The following GNAT1 variants were observed in gnomAD, a reference collection of about 807,000 sequenced individuals.
GNAT1 encodes the protein guanine nucleotide-binding protein G(t) subunit alpha-1.
GNAT1 carries 36 observed loss-of-function variants against 40.0 expected under a neutral mutation model. The ratio of observed to expected loss-of-function variants is 0.90; its 90% confidence interval spans 0.69 to 1.19. The LOEUF is 1.19. GNAT1 is among the 50% of genes most tolerant of loss of function. The pLI, the probability that GNAT1 is intolerant of heterozygous loss-of-function variation, is 0.00. For missense variants in GNAT1, 413 were observed against 480.6 expected (o/e 0.86, Z 1.32); for synonymous variants, 195 against 192.9 (o/e 1.01, Z -0.09).
chr3:50,193,255 T>G lies in GNAT1; in HGVS notation c.150-10T>G. 1 of 1,614,128 alleles carries G rather than the reference T, an allele frequency of 6.2e-7. No individual in the cohort carries two copies. Among genetic ancestry groups the G allele is most frequent in the Non-Finnish European group, 8.5e-7 (1 of 1,180,016 alleles). On this transcript the variant is annotated splice_polypyrimidine_tract_variant and intron_variant, in intron 2 of 8. Transcript: ENST00000232461. This position sits in a 1 kb window ranked among gnomAD's most constrained non-coding sequence, Gnocchi z 8.1. ...CCACGAGGCGCTGATTCTGCTCTCC[T>G]CGGCCTCAGGATTATCCACCAGGAC...
At position 50,193,359 on chromosome 3, in the gene GNAT1, CG is replaced by C; in HGVS notation, c.245del (p.Arg82ProfsTer3). 1 of 1,614,120 alleles carries C rather than the reference CG, an allele frequency of 6.2e-7. No homozygotes were observed. Among genetic ancestry groups the C allele is most frequent in the Non-Finnish European group, 8.5e-7 (1 of 1,179,996 alleles). On this transcript the variant is annotated frameshift_variant, in exon 3 of 9. Coordinates refer to ENST00000232461, the MANE Select transcript of GNAT1 (RefSeq NM_144499.3). LOFTEE classifies it high-confidence loss of function. This position sits in a 1 kb window ranked among gnomAD's most constrained non-coding sequence, Gnocchi z 8.1. ...GTTGCAGTCCATCCTGGCCATCGTA[CG>C]CGCCATGACCACACTCAACATCCAG... The part of the protein sequence containing the change: ...NTLQSILAIV[R>X]AMTTLNIQYG...
chr3:50,191,863 C>A, intron 1 of GNAT1, 32 bp downstream of exon 1: 1 of 1,398,798 alleles, frequency 7.1e-7, no homozygotes, highest in East Asian at 2.3e-5. Flanking sequence ...GGGCCACTGC[C>A]ACCAGGTCAT....
Position 50,194,401 on chromosome 3 carries a change from A to G in GNAT1, c.709-100A>G, listed in dbSNP as rs1575417426. On this transcript the variant is annotated intron_variant, in intron 6 of 8. Coordinates refer to ENST00000232461, the MANE Select transcript of GNAT1 (RefSeq NM_144499.3). This position sits in a 1 kb window ranked among gnomAD's most constrained non-coding sequence, Gnocchi z 6.1. ...GGGGCAGTGCGGGGAGCCCTCTGAGAGCCAGCTGAGCGGGAAGCCCCGCGT... is the reference window on the plus strand; with the variant it reads ...GGGGCAGTGCGGGGAGCCCTCTGAGGGCCAGCTGAGCGGGAAGCCCCGCGT... 1.6e-5 allele frequency: 23 copies of G among 1,457,116 alleles called. No homozygotes were observed. The East Asian group carries it at 5.5e-4, about 35-fold the overall frequency. 90.3% of individuals were successfully genotyped at this position (1,457,116 alleles called of 1,614,324 possible).
Position 50,193,793 on chromosome 3 carries a change from G to A in GNAT1, c.490G>A (p.Val164Met), listed in dbSNP as rs1405575787. 4 of 1,612,770 alleles carry A rather than the reference G, an allele frequency of 2.5e-6. No individual in the cohort carries two copies. Among genetic ancestry groups the A allele is most frequent in the Non-Finnish European group, 3.4e-6 (4 of 1,179,898 alleles). The change falls in exon 5 of 9, where the codon GTG becomes ATG. Residue 164 changes from valine to methionine, a missense_variant. Transcript: ENST00000232461. The surrounding 1 kb of genome is among the most constrained non-coding windows in gnomAD (Gnocchi z 8.1). ...GGAGCGCCTGGTAACCCCGGGCTAC[G>A]TGCCCACCGAGCAGGACGTGCTGCG... Reference protein sequence around the residue: ...DLERLVTPGYVPTEQDVLRSR... With the variant: ...DLERLVTPGYMPTEQDVLRSR...
Position 50,193,675 on chromosome 3 carries a change from G to A in GNAT1, c.449+12G>A, listed in dbSNP as rs1699454018. ...GACTCGGCGGGCTAGTGAGCGCGCGGGCAGCGCGGGGCGCGGGGCGCGGGG... is the reference window on the plus strand; with the variant it reads ...GACTCGGCGGGCTAGTGAGCGCGCGAGCAGCGCGGGGCGCGGGGCGCGGGG... On this transcript the variant is annotated intron_variant, in intron 4 of 8. Transcript: ENST00000232461. The surrounding 1 kb of genome is among the most constrained non-coding windows in gnomAD (Gnocchi z 8.1). The A allele has an allele frequency of 3.1e-6, 5 of 1,609,164 alleles. No homozygotes were observed. Among genetic ancestry groups the A allele is most frequent in the Non-Finnish European group, 4.2e-6 (5 of 1,178,444 alleles).
At chr3:50,195,111 G>GGCCCC (rs1030246660) in intron 8 of GNAT1, among the ~76,000 whole-genome samples, 155 bp downstream of exon 8, 1 of 140,552 alleles carries the variant, frequency 7.1e-6, no homozygotes, top group African/African-American at 2.7e-5. Flanking sequence ...CACCGACAGA[G>GGCCCC]GCCCCGCCCC....
rs1159139687 is a variant in GNAT1, at chr3:50,197,590, T to C, written c.*2324T>C. On this transcript the variant is annotated 3_prime_UTR_variant, in exon 9 of 9. Coordinates refer to ENST00000232461, the MANE Select transcript of GNAT1 (RefSeq NM_144499.3). The stretch of plus-strand genomic sequence containing the variant: ...TTTAAGGTTGAATAATATTCCATTG[T>C]ATATATTCCACACTTTGTTTATTTA... Among the ~76,000 whole-genome samples, 1 of 152,200 alleles carries C rather than the reference T, an allele frequency of 6.6e-6. No individual in the cohort carries two copies. The highest frequency in any genetic ancestry group is 2.4e-5 in the African/African-American group (1 of 41,442).
At position 50,193,901 on chromosome 3, in the gene GNAT1, C is replaced by A. The variant is rs748245916; in HGVS notation, c.578+20C>A. The A allele has an allele frequency of 4.3e-6, 7 of 1,613,108 alleles. No individual in the cohort carries two copies. The highest frequency in any genetic ancestry group is 5.1e-6 in the Non-Finnish European group (6 of 1,179,882). ...CTTCCGGTACGACCCATACGCTAGCCCAGGAGGTCACTGCCCCAGGCCCCG... is the reference window on the plus strand; with the variant it reads ...CTTCCGGTACGACCCATACGCTAGCACAGGAGGTCACTGCCCCAGGCCCCG... On this transcript the variant is annotated intron_variant, in intron 5 of 8. Transcript: ENST00000232461. The surrounding 1 kb of genome is among the most constrained non-coding windows in gnomAD (Gnocchi z 8.1).
intron 8 of GNAT1, 62 bp downstream of exon 8, chr3:50,195,018 C>A: frequency 1.6e-6 from 2 of 1,217,704 alleles, no homozygotes; most frequent in Non-Finnish European, 1.2e-6. Flanking sequence ...GCTCCCCACC[C>A]CACACCACGG....
At chr3:50,192,824 C>G in intron 1 of GNAT1, 1 of 544,460 alleles carries the variant, frequency 1.8e-6, no homozygotes, top group Non-Finnish European at 3.3e-6. Flanking sequence ...TCATTGCAGT[C>G]TCACAGCATA....
chr3:50,195,602 C>A lies in GNAT1; in HGVS notation c.*336C>A, dbSNP rs1233768367. ...TCAGCAGTGCCCAACTGACCAATCT[C>A]CCGCAGCTCTCCTGCCCCTGGGGGC... On this transcript the variant is annotated 3_prime_UTR_variant, in exon 9 of 9. Coordinates refer to ENST00000232461, the MANE Select transcript of GNAT1 (RefSeq NM_144499.3). 6.4e-6 allele frequency: 1 copy of A among 156,628 alleles called. No individual in the cohort carries two copies. Among genetic ancestry groups the A allele is most frequent in the Non-Finnish European group, 1.4e-5 (1 of 70,408 alleles). 9.7% of individuals were successfully genotyped at this position (156,628 alleles called of 1,614,324 possible).
chr3:50,194,124 G>C lies in GNAT1; in HGVS notation c.611G>C (p.Arg204Pro), dbSNP rs749325459. Residue 204 changes from arginine (R) to proline (P), a missense_variant, in exon 6 of 9, where the codon CGC (arginine) becomes CCC (proline). Physicochemically the swap from Arg to Pro is moderately radical, Grantham distance 103. Transcript: ENST00000232461. This position sits in a 1 kb window ranked among gnomAD's most constrained non-coding sequence, Gnocchi z 6.1. Reference sequence around the variant, plus strand: ...GATGTGGGCGGGCAGCGCTCGGAGCGCAAGAAGTGGATCCACTGCTTCGAG... The same window carrying C: ...GATGTGGGCGGGCAGCGCTCGGAGCCCAAGAAGTGGATCCACTGCTTCGAG... Reference protein sequence around the residue: ...MFDVGGQRSERKKWIHCFEGV... With the variant: ...MFDVGGQRSEPKKWIHCFEGV... The C allele has an allele frequency of 6.2e-7, 1 of 1,613,782 alleles. No homozygotes were observed. The highest frequency in any genetic ancestry group is 1.3e-5 in the African/African-American group (1 of 74,950).
At position 50,195,017 on chromosome 3, in the gene GNAT1, C is replaced by T. The variant is rs1490891217; in HGVS notation, c.*1+61C>T. ...ACCCCAGCCCCGTCCAGCTCCCCAC[C>T]CCACACCACGGCCCTGGAGCCTCAC... On this transcript the variant is annotated intron_variant, in intron 8 of 8. Coordinates refer to ENST00000232461, the MANE Select transcript of GNAT1 (RefSeq NM_144499.3). 2.5e-6 allele frequency: 3 copies of T among 1,223,262 alleles called. No homozygotes were observed. In the African/African-American group the frequency reaches 4.5e-5, roughly 18 times the overall value. The allele number at this position is 1,223,262 out of a possible 1,614,324, so 75.8% of individuals were successfully genotyped here. A position where few individuals can be genotyped will look rare whatever the true frequency, so the allele number is the denominator to read the frequency against.
Position 50,191,716 on chromosome 3 carries a change from T to G in GNAT1, c.-10T>G. On this transcript the variant is annotated 5_prime_UTR_variant, in exon 1 of 9. Coordinates refer to ENST00000232461, the MANE Select transcript of GNAT1 (RefSeq NM_144499.3). The stretch of plus-strand genomic sequence containing the variant: ...CTGCTCACTCTGTCCCTTCGCCTGC[T>G]GCTGGGACCATGGGGGCTGGGGCCA... 3 of 1,600,324 alleles carry G rather than the reference T, an allele frequency of 1.9e-6. No individual in the cohort carries two copies. In the South Asian group the frequency reaches 3.3e-5, roughly 18 times the overall value.
intron 1 of GNAT1, chr3:50,192,593 C>T (rs372903904): frequency 1.5e-5 from 3 of 196,648 alleles, no homozygotes; most frequent in East Asian, 1.3e-4. Context: ...GAGGCTAAGC[C>T]GGAAATCTCA....
rs1053549443 is a variant in GNAT1, at chr3:50,191,792, G to A, written c.67G>A (p.Ala23Thr). 2.2e-5 allele frequency: 36 copies of A among 1,613,768 alleles called. No homozygotes were observed. Among genetic ancestry groups the A allele is most frequent in the African/African-American group, 5.3e-5 (4 of 74,936 alleles). Reference protein sequence around the residue: ...RELEKKLKEDAEKDARTVKLL... With the variant: ...RELEKKLKEDTEKDARTVKLL... ...GCTGGAAAAGAAGCTGAAAGAGGAC[G>A]CTGAGAAGGATGCTCGAACCGTGAA... The change falls in exon 1 of 9, where the codon GCT becomes ACT. Residue 23 changes from alanine (A) to threonine (T), a missense_variant. Ala to Thr is a moderately conservative substitution (Grantham distance 58). Transcript: ENST00000232461.
chr3:50,194,851 T>G lies in GNAT1; in HGVS notation c.949T>G (p.Ser317Ala). ...NMRRDVKEIY[S>A]HMTCATDTQN... ...GCGGCGCGACGTGAAGGAGATCTAT[T>G]CCCACATGACGTGCGCCACCGACAC... Residue 317 changes from serine (S) to alanine (A), a missense_variant, in exon 8 of 9, where the codon TCC (serine) becomes GCC (alanine). Transcript: ENST00000232461. This position sits in a 1 kb window ranked among gnomAD's most constrained non-coding sequence, Gnocchi z 6.1. 6.2e-7 allele frequency: 1 copy of G among 1,613,836 alleles called. No individual in the cohort carries two copies. The highest frequency in any genetic ancestry group is 8.5e-7 in the Non-Finnish European group (1 of 1,179,930).
chr3:50,192,935 T>C, intron 1 of GNAT1, 198 bp from the exon 2 acceptor site: 1 of 625,566 alleles, frequency 1.6e-6, no homozygotes, highest in Admixed American at 2.6e-5. Context: ...TTTCCTGGCA[T>C]TTGCAAACCT....
intron 1 of GNAT1, 38 bp downstream of exon 1, chr3:50,191,869 G>T: frequency 7.5e-7 from 1 of 1,337,050 alleles, no homozygotes; most frequent in South Asian, 1.2e-5. Flanking sequence ...CTGCCACCAG[G>T]TCATTGGTCT....
Sources: allele counts gnomAD v4.1 joint callset (sites outside exome capture counted in the v4.1 genomes callset), GRCh38; gene constraint gnomAD v4.1.1; non-coding constraint Gnocchi (gnomAD v3.1); transcripts MANE v1.5; gene names NCBI Gene and HGNC (gene_info 2026-07-23, HGNC 2026-07-21).